PTPRD: variants seen among roughly 807,000 people sequenced by gnomAD.
The protein encoded by PTPRD is protein tyrosine phosphatase receptor type D.
Under a neutral mutation model 214.5 loss-of-function variants are expected in PTPRD, and 34 were observed. The observed-to-expected ratio is 0.16, with a 90% confidence interval of 0.12 to 0.21. The LOEUF (loss-of-function observed/expected upper bound fraction) is 0.21, where lower values mean the gene tolerates loss of function less well. PTPRD is among the 10% of genes least tolerant of loss of function. The pLI is 1.00. For synonymous variants in PTPRD, 1,128 were observed against 845.7 expected, an observed-to-expected ratio of 1.33 and a Z score of -5.79; for missense variants, 2,545 against 2,398.7, an observed-to-expected ratio of 1.06 and a Z score of -1.27.
chr9:8,439,219 G>A (rs2095460300), intron 34 of PTPRD, among the ~76,000 whole-genome samples: 1 of 152,226 alleles, frequency 6.6e-6, no homozygotes, highest in African/African-American at 2.4e-5. Flanking sequence ...ACTGGACATG[G>A]GTTCTACTTC....
At position 8,353,924 on chromosome 9, in the gene PTPRD, A is replaced by ATG. The variant is rs1466265332; in HGVS notation, c.4662-11947_4662-11946insCA. Among the ~76,000 whole-genome samples the ATG allele has an allele frequency of 1.5e-4, 21 of 135,710 alleles. 1 individual carries two copies. The highest frequency in any genetic ancestry group is 5.8e-4 in the African/African-American group (20 of 34,330). The allele number at this position is 135,710 out of a possible 152,430, so 89.0% of individuals were successfully genotyped here. On this transcript the variant is annotated intron_variant, in intron 39 of 45. Coordinates refer to ENST00000381196, the MANE Select transcript of PTPRD (RefSeq NM_002839.4). ...TGTATATATGTGTATATATGTATAT[A>ATG]TATGTGTGTGTACATATATATATAT...
intron 5 of PTPRD, among the ~76,000 whole-genome samples, chr9:9,893,968 A>G (rs2074202773): frequency 1.3e-5 from 2 of 151,932 alleles, no homozygotes; most frequent in South Asian, 2.1e-4. Context: ...GCACACCACC[A>G]CACCCTGTGT....
At chr9:8,735,106 G>A (rs1287040567) in intron 11 of PTPRD, among the ~76,000 whole-genome samples, 2 of 151,330 alleles carry the variant, frequency 1.3e-5, no homozygotes, top group Admixed American at 6.6e-5. Context: ...CTGTGGTGGG[G>A]ATCCAATAAT....
chr9:10,368,355 T>A (rs2097551048), intron 2 of PTPRD, among the ~76,000 whole-genome samples: 1 of 152,118 alleles, frequency 6.6e-6, no homozygotes, highest in Non-Finnish European at 1.5e-5. Flanking sequence ...TAGAAATGGA[T>A]TTTCTTTGCT....
At chr9:9,802,485 T>C (rs2099047337) in intron 5 of PTPRD, among the ~76,000 whole-genome samples, 1 of 151,784 alleles carries the variant, frequency 6.6e-6, no homozygotes, top group Non-Finnish European at 1.5e-5. Flanking sequence ...GTTCAAAATA[T>C]GAAATATCTT....
chr9:9,064,466 C>G (rs547583006), intron 10 of PTPRD, among the ~76,000 whole-genome samples: 1 of 152,216 alleles, frequency 6.6e-6, no homozygotes, highest in South Asian at 2.1e-4. Flanking sequence ...ACACAATGAT[C>G]CAATCAGCCA....
chr9:10,203,528 C>T (rs2099444318), intron 3 of PTPRD, among the ~76,000 whole-genome samples: 1 of 152,078 alleles, frequency 6.6e-6, no homozygotes, highest in African/African-American at 2.4e-5. Context: ...AAAGATTTAT[C>T]AGTAATTCTG....
At chr9:9,806,193 G>A (rs1360220969) in intron 5 of PTPRD, among the ~76,000 whole-genome samples, 1 of 152,008 alleles carries the variant, frequency 6.6e-6, no homozygotes, top group Non-Finnish European at 1.5e-5. Flanking sequence ...TTCACCCCCA[G>A]GAATGTCAGG....
rs1428740195 is a variant in PTPRD at position 9,286,876 on chromosome 9, ATATATATATATATATAT to A, written c.-202-103530_-202-103514del. On this transcript the variant is annotated intron_variant, in intron 9 of 45. Transcript: ENST00000381196. Reference sequence around the variant, plus strand: ...CAAGGCAGTCTTGAAACTACTGAATATATATATATATATATATATATATATATATATATATATATATA... The same window carrying A: ...CAAGGCAGTCTTGAAACTACTGAATAATATATATATATATATATATATATA... 1.5e-3 allele frequency among the ~76,000 whole-genome samples: 13 copies of A among 8,630 alleles called. 1 individual carries two copies. Among genetic ancestry groups the A allele is most frequent in the East Asian group, 0.01 (1 of 100 alleles). The allele number at this position is 8,630 out of a possible 152,430, so 5.7% of individuals were successfully genotyped here. A position where few individuals can be genotyped will look rare whatever the true frequency, so the allele number is the denominator to read the frequency against.
At chr9:8,768,299 C>T (rs1238326466) in intron 11 of PTPRD, among the ~76,000 whole-genome samples, 4 of 152,206 alleles carry the variant, frequency 2.6e-5, no homozygotes, top group African/African-American at 9.6e-5. Context: ...GCCTGTAATC[C>T]CAACACTTTG....
chr9:8,593,890 A>G (rs1009851933), intron 14 of PTPRD, among the ~76,000 whole-genome samples: 2 of 152,166 alleles, frequency 1.3e-5, no homozygotes, highest in African/African-American at 4.8e-5. Context: ...GCATTTCATT[A>G]TACCACTGAT....
intron 36 of PTPRD, among the ~76,000 whole-genome samples, chr9:8,391,496 T>C (rs1448294658): frequency 1.3e-5 from 2 of 152,198 alleles, no homozygotes; most frequent in Admixed American, 6.6e-5. Context: ...AATGACGGTT[T>C]AAATAAAATT....
intron 5 of PTPRD, among the ~76,000 whole-genome samples, chr9:9,888,562 A>G (rs1265771592): frequency 2.0e-5 from 3 of 152,034 alleles, no homozygotes; most frequent in African/African-American, 7.2e-5. Flanking sequence ...CTCCTGGGAG[A>G]GCCAATTGTT....
chr9:8,913,246 A>T (rs911474047), intron 11 of PTPRD, among the ~76,000 whole-genome samples: 1 of 152,146 alleles, frequency 6.6e-6, no homozygotes, highest in African/African-American at 2.4e-5. Context: ...CATGTATTTC[A>T]TAAATATTTG....
chr9:9,808,450 T>G (rs1205444222), intron 5 of PTPRD, among the ~76,000 whole-genome samples: 2 of 152,098 alleles, frequency 1.3e-5, no homozygotes, highest in African/African-American at 4.8e-5. Flanking sequence ...CCAGAAAAGA[T>G]TAACCACTAG....
chr9:8,576,269 A>G (rs993403273), intron 14 of PTPRD, among the ~76,000 whole-genome samples: 1 of 152,158 alleles, frequency 6.6e-6, no homozygotes. Context: ...ATAACTATAA[A>G]CACATAATAC....
At chr9:8,856,997 CTCT>C (rs2097928428) in intron 11 of PTPRD, among the ~76,000 whole-genome samples, 2 of 152,272 alleles carry the variant, frequency 1.3e-5, no homozygotes, top group South Asian at 4.1e-4. Context: ...ACAACTTTGA[CTCT>C]TCATTATAAA....
chr9:9,473,363 TAGGCATCTGTTGATGAAC>T (rs1274997292), intron 8 of PTPRD, among the ~76,000 whole-genome samples: 3 of 152,208 alleles, frequency 2.0e-5, no homozygotes, highest in African/African-American at 7.2e-5. Context: ...CACATACTTC[TAGGCATCTGTTGATGAAC>T]ATTTAGGTTG....
Position 8,391,720 on chromosome 9 carries a change from G to T in PTPRD, c.4211-2313C>A, listed in dbSNP as rs10977031. On this transcript the variant is annotated intron_variant, in intron 36 of 45. Transcript: ENST00000381196. ...CTTTTTTCTAAGAAAACTCAGAATG[G>T]AGAAATCTGGGCTAAATGACTCAGA... Among the ~76,000 whole-genome samples, 1,329 of 152,234 alleles carry T rather than the reference G, an allele frequency of 8.7e-3. 23 individuals are homozygous for T. Among genetic ancestry groups the T allele is most frequent in the African/African-American group, 0.03 (1,262 of 41,530 alleles).
Sources: allele counts gnomAD v4.1 joint callset (sites outside exome capture counted in the v4.1 genomes callset), GRCh38; gene constraint gnomAD v4.1.1; transcripts MANE v1.5; gene names NCBI Gene and HGNC (gene_info 2026-07-23, HGNC 2026-07-21).